Variants in GLRX observed in about 807,000 individuals in gnomAD.
GLRX encodes glutaredoxin, also known as glutaredoxin-1.
GLRX carries 9 observed loss-of-function variants against 11.1 expected under a neutral mutation model. The ratio of observed to expected loss-of-function variants is 0.81; its 90% CI spans 0.49 to 1.42. The LOEUF is 1.42. Among genes scored for constraint, GLRX ranks in the 40% most tolerant of loss-of-function variants. GLRX has a pLI of 0.00. For synonymous variants in GLRX, 49 were observed against 49.5 expected (o/e 0.99, Z 0.04); for missense variants, 102 against 126.2 (o/e 0.81, Z 0.92).
intron 1 of GLRX, chr5:95,818,227 AAC>A (rs1231957583): frequency 6.6e-6 from 1 of 152,190 alleles, no homozygotes; most frequent in East Asian, 1.9e-4. Flanking sequence ...ACAACTGCAA[AAC>A]TGCCATAAAT....
chr5:95,819,158 G>T (rs1379497855), intron 1 of GLRX: 7 of 152,006 alleles, frequency 4.6e-5, no homozygotes, highest in African/African-American at 1.7e-4. Flanking sequence ...TCCCCCACTA[G>T]AATATAGGTT....
chr5:95,822,698 A>G lies in GLRX; in HGVS notation c.-36T>C, dbSNP rs201485859. On this transcript the variant is annotated 5_prime_UTR_variant, in exon 1 of 3. Coordinates refer to ENST00000237858, the MANE Select transcript of GLRX (RefSeq NM_001118890.2). ...TGCGGTCTCCCCGGGAAGAATCCTC[A>G]GTTGCAGGTATTGCTTGGGGTATTG... 6.4e-7 allele frequency: 1 copy of G among 1,570,526 alleles called. No individual in the cohort carries two copies. The highest frequency in any genetic ancestry group is 1.7e-5 in the Admixed American group (1 of 58,954).
At chr5:95,815,424 C>G (rs943103529) in intron 2 of GLRX, among the ~76,000 whole-genome samples, 1 of 152,186 alleles carries the variant, frequency 6.6e-6, no homozygotes, top group Admixed American at 6.5e-5. Flanking sequence ...TTTTTTCAGA[C>G]CTTTTTCCCC....
At chr5:95,818,638 C>G (rs1397276264) in intron 1 of GLRX, 1 of 152,340 alleles carries the variant, frequency 6.6e-6, no homozygotes, top group African/African-American at 2.4e-5. Flanking sequence ...CATCTGTCAC[C>G]TGAATAACTA....
At chr5:95,816,803 C>G in intron 1 of GLRX, 177 bp from the exon 2 acceptor site, 1 of 502,614 alleles carries the variant, frequency 2.0e-6, no homozygotes, top group South Asian at 2.4e-5. Context: ...ATTATTAACT[C>G]GAGAATGTTT....
intron 1 of GLRX, chr5:95,817,962 A>C (rs1411569972): frequency 6.6e-6 from 1 of 152,244 alleles, no homozygotes; most frequent in Non-Finnish European, 1.5e-5. Flanking sequence ...TTTATTAAAA[A>C]GGGGGTCTGG....
intron 2 of GLRX, among the ~76,000 whole-genome samples, chr5:95,816,215 C>G (rs187077500): frequency 8.5e-5 from 13 of 152,280 alleles, no homozygotes; most frequent in African/African-American, 3.1e-4. Context: ...ATCTGTCTAC[C>G]TCTCTAAAAT....
intron 1 of GLRX, 132 bp downstream of exon 1, chr5:95,822,324 C>T: frequency 1.6e-6 from 1 of 636,416 alleles, no homozygotes; most frequent in South Asian, 1.8e-5. Context: ...CCCTCCCCCA[C>T]ACCCCCCGCC....
At chr5:95,820,352 TA>T (rs58201790) in intron 1 of GLRX, among the ~76,000 whole-genome samples, 6,923 of 79,572 alleles carry the variant, frequency 0.087, 276 homozygotes, top group African/African-American at 0.19. Context: ...CTCTGTCTCT[TA>T]AAAAAAAAAA....
chr5:95,818,265 G>A (rs1025098061), intron 1 of GLRX: 12 of 152,232 alleles, frequency 7.9e-5, no homozygotes, highest in African/African-American at 2.9e-4. Context: ...TACCCCTAAC[G>A]GGAGCTGAAT....
intron 1 of GLRX, among the ~76,000 whole-genome samples, chr5:95,821,257 C>T (rs1323941960): frequency 1.3e-5 from 2 of 152,176 alleles, no homozygotes; most frequent in Admixed American, 6.5e-5. Context: ...CTAAAAGGTC[C>T]TCAGGGTGGC....
In GLRX at chr5:95,822,493, A is replaced by G. The variant is rs199738971; in HGVS notation, c.170T>C (p.Ile57Thr). The G allele has an allele frequency of 4.4e-5, 71 of 1,613,934 alleles. No homozygotes were observed. The highest frequency in any genetic ancestry group is 5.3e-5 in the Non-Finnish European group (63 of 1,179,842). The change falls in exon 1 of 3, where the codon ATT (isoleucine) becomes ACT (threonine). Residue 57 changes from isoleucine (I) to threonine (T), a missense_variant. Ile to Thr is a moderately conservative substitution (Grantham distance 89). Transcript: ENST00000237858. ...DITATNHTNE[I>T]QDYLQQLTGA... is the part of the protein sequence containing the mutation. ...CGTGAGCTGTTGCAAATAATCTTGAATCTCGTTAGTGTGGTTGGTGGCTGT... is the reference window on the plus strand; with the variant it reads ...CGTGAGCTGTTGCAAATAATCTTGAGTCTCGTTAGTGTGGTTGGTGGCTGT...
At chr5:95,821,111 GAACA>G (rs925359612) in intron 1 of GLRX, among the ~76,000 whole-genome samples, 3 of 152,068 alleles carry the variant, frequency 2.0e-5, no homozygotes, top group African/African-American at 7.2e-5. Flanking sequence ...CAAAACAAAC[GAACA>G]AACAAAACTA....
chr5:95,817,788 G>A (rs1276514146), intron 1 of GLRX: 4 of 152,194 alleles, frequency 2.6e-5, no homozygotes, highest in African/African-American at 9.7e-5. Flanking sequence ...CCGAGTACCA[G>A]GAACGCACTG....
intron 1 of GLRX, chr5:95,818,009 A>G (rs1747072216): frequency 6.6e-6 from 1 of 152,178 alleles, no homozygotes; most frequent in African/African-American, 2.4e-5. Context: ...CTAAAAATTA[A>G]AAACAAATCT....
chr5:95,821,678 G>A (rs1431148560), intron 1 of GLRX, among the ~76,000 whole-genome samples: 1 of 152,206 alleles, frequency 6.6e-6, no homozygotes, highest in African/African-American at 2.4e-5. Context: ...CATCCCTCCT[G>A]AAGCCCAGGA....
chr5:95,816,638 C>G lies in GLRX; in HGVS notation c.208-12G>C. 7.7e-7 allele frequency: 1 copy of G among 1,293,672 alleles called. No homozygotes were observed. 80.1% of individuals were successfully genotyped at this position (1,293,672 alleles called of 1,614,324 possible). The stretch of plus-strand genomic sequence containing the variant: ...AAGACTCGAGGCACCTAAAAAAGCA[C>G]ACGACCCAGGACATTACTACATTAC... On this transcript the variant is annotated splice_polypyrimidine_tract_variant and intron_variant, in intron 1 of 2. Coordinates refer to ENST00000237858, the MANE Select transcript of GLRX (RefSeq NM_001118890.2).
intron 1 of GLRX, chr5:95,817,462 A>G (rs1161889471): frequency 6.6e-6 from 1 of 152,280 alleles, no homozygotes; most frequent in African/African-American, 2.4e-5. Context: ...AGGGGGGTGT[A>G]GTGGTGTTTG....
chr5:95,816,056 C>T (rs139688558), intron 2 of GLRX, among the ~76,000 whole-genome samples: 1 of 152,202 alleles, frequency 6.6e-6, no homozygotes, highest in Non-Finnish European at 1.5e-5. Flanking sequence ...TCTGCTTCAT[C>T]TCTGCATAGC....
Sources: allele counts gnomAD v4.1 joint callset (sites outside exome capture counted in the v4.1 genomes callset), GRCh38; gene constraint gnomAD v4.1.1; transcripts MANE v1.5; gene names NCBI Gene and HGNC (gene_info 2026-07-23, HGNC 2026-07-21).